Variants in CDH12 observed in about 807,000 individuals in gnomAD.
CDH12 encodes the protein cadherin-12.
A neutral mutation model predicts 74.1 loss-of-function variants in CDH12; 41 were observed. The ratio of observed to expected loss-of-function variants is 0.55; its 90% CI spans 0.43 to 0.72. The LOEUF is 0.72. Ranked by LOEUF, CDH12 falls within the 30% of genes least tolerant of loss-of-function variation. The pLI is 0.00. For missense variants in CDH12, 945 were observed against 977.2 expected (o/e 0.97, Z 0.44); for synonymous variants, 399 against 355.0 (o/e 1.12, Z -1.39).
chr5:22,316,742 TTCA>T (rs1738648429), intron 3 of CDH12, among the ~76,000 whole-genome samples: 1 of 152,166 alleles, frequency 6.6e-6, no homozygotes, highest in Non-Finnish European at 1.5e-5. Flanking sequence ...AAGGATACAG[TTCA>T]TCATCTCGAT....
chr5:21,876,189 C>T (rs1306297166), intron 6 of CDH12, among the ~76,000 whole-genome samples: 2 of 152,106 alleles, frequency 1.3e-5, no homozygotes, highest in African/African-American at 2.4e-5. Context: ...CCACCACACC[C>T]GGCCCTTTGT....
At chr5:21,981,367 T>C (rs1040431246) in intron 5 of CDH12, among the ~76,000 whole-genome samples, 14 of 152,088 alleles carry the variant, frequency 9.2e-5, no homozygotes, top group African/African-American at 3.4e-4. Flanking sequence ...CTAGTCTATA[T>C]ATTTTTTACA....
intron 3 of CDH12, among the ~76,000 whole-genome samples, chr5:22,240,791 C>A (rs1362970873): frequency 6.6e-6 from 1 of 152,202 alleles, no homozygotes; most frequent in Admixed American, 6.5e-5. Context: ...TCCTCAGCCT[C>A]CCAAAGTGCT....
intron 6 of CDH12, among the ~76,000 whole-genome samples, chr5:21,952,075 C>T (rs1242953605): frequency 2.0e-5 from 3 of 152,160 alleles, no homozygotes; most frequent in African/African-American, 7.2e-5. Flanking sequence ...TTATGTAAAT[C>T]ATCTGTTATT....
chr5:22,363,027 T>C (rs1307309665), intron 3 of CDH12, among the ~76,000 whole-genome samples: 2 of 151,868 alleles, frequency 1.3e-5, no homozygotes, highest in Admixed American at 6.6e-5. Flanking sequence ...CACATGTATA[T>C]GTATGTAACA....
chr5:21,983,571 T>G (rs1757399642), intron 5 of CDH12, among the ~76,000 whole-genome samples: 1 of 152,178 alleles, frequency 6.6e-6, no homozygotes, highest in Non-Finnish European at 1.5e-5. Flanking sequence ...GATTGGACAC[T>G]TAGTAAATTT....
At chr5:22,001,809 G>A (rs1301334346) in intron 5 of CDH12, among the ~76,000 whole-genome samples, 6 of 151,360 alleles carry the variant, frequency 4.0e-5, no homozygotes, top group Non-Finnish European at 7.4e-5. Flanking sequence ...ACTGGTTTAC[G>A]ATCATAAAAA....
chr5:21,978,961 A>ATTCC (rs58551895), intron 5 of CDH12, among the ~76,000 whole-genome samples: 28,259 of 151,996 alleles, frequency 0.19, 3,239 homozygotes, highest in African/African-American at 0.32. Flanking sequence ...AATGTGAAGG[A>ATTCC]AGTTCTTAGC....
At chr5:22,284,201 A>G (rs1371061220) in intron 3 of CDH12, among the ~76,000 whole-genome samples, 1 of 152,188 alleles carries the variant, frequency 6.6e-6, no homozygotes, top group Non-Finnish European at 1.5e-5. Flanking sequence ...TTTTAAAAAG[A>G]TGATACGAGA....
chr5:21,950,799 A>T (rs1755825128), intron 6 of CDH12, among the ~76,000 whole-genome samples: 1 of 140,666 alleles, frequency 7.1e-6, no homozygotes, highest in Admixed American at 7.1e-5. Flanking sequence ...TATTATTATT[A>T]TTTTGAGACA....
intron 3 of CDH12, among the ~76,000 whole-genome samples, chr5:22,351,670 C>G (rs759532924): frequency 6.6e-6 from 1 of 152,136 alleles, no homozygotes; most frequent in Non-Finnish European, 1.5e-5. Flanking sequence ...CAGAATTTAT[C>G]ATGAAAATCA....
chr5:22,620,100 T>A (rs1737898123), intron 1 of CDH12, among the ~76,000 whole-genome samples: 1 of 152,112 alleles, frequency 6.6e-6, no homozygotes, highest in Non-Finnish European at 1.5e-5. Context: ...TTTTGTTCAT[T>A]TTTGCTTTTA....
Position 22,848,380 on chromosome 5 carries a change from G to A in CDH12, c.-523+4678C>T, listed in dbSNP as rs909654490. Among the ~76,000 whole-genome samples, 8 of 152,110 alleles carry A rather than the reference G, an allele frequency of 5.3e-5. No homozygotes were observed. The South Asian group carries it at 8.3e-4, about 16-fold the overall frequency. ...TACATTTTAACTTACCTAATGTGGT[G>A]CCAGATTAATAGCCTATTCTTTCCT... On this transcript the variant is annotated intron_variant, in intron 1 of 14. Coordinates refer to ENST00000382254, the MANE Select transcript of CDH12 (RefSeq NM_004061.5).
At chr5:22,227,391 T>A (rs1752232972) in intron 3 of CDH12, among the ~76,000 whole-genome samples, 1 of 152,142 alleles carries the variant, frequency 6.6e-6, no homozygotes, top group Non-Finnish European at 1.5e-5. Flanking sequence ...AGTTGTCTTT[T>A]AAGATAGAAA....
At chr5:22,827,601 C>A (rs971569563) in intron 1 of CDH12, among the ~76,000 whole-genome samples, 8 of 152,156 alleles carry the variant, frequency 5.3e-5, no homozygotes, top group Non-Finnish European at 8.8e-5. Context: ...GTAGTCTGCC[C>A]ACTGAGGCCA....
intron 5 of CDH12, among the ~76,000 whole-genome samples, chr5:22,012,161 G>A (rs1737337906): frequency 6.6e-6 from 1 of 151,780 alleles, no homozygotes; most frequent in Admixed American, 6.6e-5. Flanking sequence ...ATATGCTATT[G>A]GAATTTCTGA....
chr5:22,481,290 C>T (rs558368345), intron 2 of CDH12, among the ~76,000 whole-genome samples: 3 of 152,236 alleles, frequency 2.0e-5, no homozygotes, highest in South Asian at 2.1e-4. Flanking sequence ...AACAGTACAG[C>T]GTTTTCTTAA....
chr5:21,833,136 A>C (rs1363542191), intron 8 of CDH12, among the ~76,000 whole-genome samples: 1 of 24,048 alleles, frequency 4.2e-5, no homozygotes, highest in South Asian at 1.5e-3. Context: ...TATATTATAA[A>C]TATATATTAT....
intron 4 of CDH12, among the ~76,000 whole-genome samples, chr5:22,188,283 T>C (rs1043466632): frequency 1.4e-4 from 21 of 152,146 alleles, no homozygotes; most frequent in African/African-American, 5.1e-4. Flanking sequence ...GGTTTCCCTC[T>C]CTTCACATGA....
Sources: gnomAD v4.1 joint callset for allele counts (sites outside exome capture counted in the v4.1 genomes callset) on GRCh38, gnomAD v4.1.1 for gene constraint, MANE v1.5 for transcripts, NCBI Gene and HGNC (gene_info 2026-07-23, HGNC 2026-07-21) for gene names.